C1orf21: variants seen among roughly 807,000 people sequenced by gnomAD.
The protein encoded by C1orf21 is uncharacterized protein C1orf21.
A neutral mutation model predicts 18.7 loss-of-function variants in C1orf21; 3 were observed. The observed-to-expected ratio is 0.16, with a 90% CI of 0.07 to 0.42. The LOEUF (loss-of-function observed/expected upper bound fraction) is 0.42. C1orf21 is among the 10% of genes least tolerant of loss of function. C1orf21 has a pLI of 0.99. For missense variants in C1orf21, 104 were observed against 143.6 expected (o/e 0.72, Z 1.41); for synonymous variants, 41 against 46.4 (o/e 0.88, Z 0.47).
rs114562759 is a variant in C1orf21, at chr1:184,472,738, G to A, written c.-124-4648G>A. On this transcript the variant is annotated intron_variant, in intron 1 of 5. Transcript: ENST00000235307. The stretch of plus-strand genomic sequence containing the variant: ...TTATTATAATCTTTCCTTATAAAAG[G>A]ACAAGGTATTTCATGTGTGTAATAT... Among the ~76,000 whole-genome samples the A allele has an allele frequency of 1.9e-3, 289 of 151,878 alleles. 2 individuals carry two copies. Among genetic ancestry groups the A allele is most frequent in the Middle Eastern group, 6.8e-3 (2 of 292 alleles).
intron 5 of C1orf21, among the ~76,000 whole-genome samples, chr1:184,613,701 C>T (rs1379990526): frequency 2.0e-5 from 3 of 152,110 alleles, no homozygotes; most frequent in Non-Finnish European, 4.4e-5. Flanking sequence ...GTGTTCACAA[C>T]CCTTGGATAT....
At chr1:184,534,527 T>C (rs1219817012) in intron 3 of C1orf21, among the ~76,000 whole-genome samples, 1 of 152,234 alleles carries the variant, frequency 6.6e-6, no homozygotes, top group Admixed American at 6.5e-5. Flanking sequence ...AAAGACACTA[T>C]TACAAATTGT....
intron 1 of C1orf21, among the ~76,000 whole-genome samples, chr1:184,392,813 T>G (rs1001923839): frequency 1.5e-5 from 2 of 136,834 alleles, no homozygotes; most frequent in Non-Finnish European, 3.1e-5. Context: ...TCCATAGACA[T>G]TCCTCCTTTT....
At chr1:184,400,220 G>T (rs1413390362) in intron 1 of C1orf21, among the ~76,000 whole-genome samples, 1 of 152,046 alleles carries the variant, frequency 6.6e-6, no homozygotes, top group Non-Finnish European at 1.5e-5. Context: ...TTTCAGATTT[G>T]TTTTGTACTT....
At chr1:184,471,486 C>T (rs10489726) in intron 1 of C1orf21, among the ~76,000 whole-genome samples, 17,137 of 151,972 alleles carry the variant, frequency 0.11, 1,247 homozygotes, top group African/African-American at 0.2. Flanking sequence ...CTTTATATCA[C>T]TACTTGGACA....
At chr1:184,466,537 A>C (rs116208438) in intron 1 of C1orf21, among the ~76,000 whole-genome samples, 1,904 of 152,320 alleles carry the variant, frequency 0.013, 40 homozygotes, top group African/African-American at 0.043. Flanking sequence ...ATTTCTTGAG[A>C]GCAATATGAG....
At chr1:184,388,618 T>G (rs1655923511) in intron 1 of C1orf21, among the ~76,000 whole-genome samples, 1 of 147,700 alleles carries the variant, frequency 6.8e-6, no homozygotes, top group South Asian at 2.1e-4. Context: ...GAGTATTTTT[T>G]TCTTTCTTTT....
At chr1:184,577,928 TC>T (rs1241992084) in intron 3 of C1orf21, among the ~76,000 whole-genome samples, 3 of 151,248 alleles carry the variant, frequency 2.0e-5, no homozygotes, top group Non-Finnish European at 4.4e-5. Flanking sequence ...AGGTTCTTTG[TC>T]CGTTTGTTTT....
At chr1:184,603,369 A>G (rs1659609356) in intron 5 of C1orf21, among the ~76,000 whole-genome samples, 2 of 152,268 alleles carry the variant, frequency 1.3e-5, no homozygotes, top group African/African-American at 4.8e-5. Flanking sequence ...AGCCATGAGC[A>G]TGCCTAGTGC....
intron 3 of C1orf21, among the ~76,000 whole-genome samples, chr1:184,535,725 A>G (rs1658540751): frequency 6.6e-6 from 1 of 152,208 alleles, no homozygotes. Flanking sequence ...TTCACCACTC[A>G]GAGCCAAGTT....
Position 184,493,528 on chromosome 1 carries a change from A to G in C1orf21, c.95-14060A>G, listed in dbSNP as rs1000644614. ...TTCATTTGAAAACCACATTCAAGACAAGCTAAATTACATTTAAATTCCCTT... is the reference window on the plus strand; with the variant it reads ...TTCATTTGAAAACCACATTCAAGACGAGCTAAATTACATTTAAATTCCCTT... On this transcript the variant is annotated intron_variant, in intron 2 of 5. Coordinates refer to ENST00000235307, the MANE Select transcript of C1orf21 (RefSeq NM_030806.4). Among the ~76,000 whole-genome samples the G allele has an allele frequency of 2.0e-5, 3 of 152,340 alleles. No homozygotes were observed. In the South Asian group the frequency reaches 6.2e-4, roughly 32 times the overall value.
At chr1:184,519,266 C>T (rs1658272393) in intron 3 of C1orf21, among the ~76,000 whole-genome samples, 1 of 152,144 alleles carries the variant, frequency 6.6e-6, no homozygotes, top group Non-Finnish European at 1.5e-5. Flanking sequence ...TTACTCTTGA[C>T]CTCCTCCTGT....
intron 1 of C1orf21, among the ~76,000 whole-genome samples, chr1:184,436,292 C>T (rs538769649): frequency 9.2e-5 from 14 of 152,106 alleles, no homozygotes; most frequent in Admixed American, 2.6e-4. Flanking sequence ...TCTTATTTTA[C>T]GGCATCTCTT....
chr1:184,481,808 G>A (rs1029975297), intron 2 of C1orf21, among the ~76,000 whole-genome samples: 2 of 152,170 alleles, frequency 1.3e-5, no homozygotes, highest in African/African-American at 4.8e-5. Context: ...AATCAAGGGA[G>A]ATACTTTTTC....
chr1:184,536,066 A>T (rs1658545976), intron 3 of C1orf21, among the ~76,000 whole-genome samples: 1 of 152,204 alleles, frequency 6.6e-6, no homozygotes, highest in African/African-American at 2.4e-5. Flanking sequence ...TTTTAATCTC[A>T]TGGCCATTAA....
chr1:184,428,901 C>G (rs990284166), intron 1 of C1orf21, among the ~76,000 whole-genome samples: 1 of 152,084 alleles, frequency 6.6e-6, no homozygotes, highest in Non-Finnish European at 1.5e-5. Context: ...AAGGACTTGC[C>G]AAATAAAAGG....
intron 4 of C1orf21, among the ~76,000 whole-genome samples, chr1:184,593,617 T>C (rs1265534984): frequency 7.0e-6 from 1 of 143,212 alleles, no homozygotes; most frequent in African/African-American, 2.8e-5. Context: ...CAGAGAGAGA[T>C]TGAAGTGAAA....
chr1:184,519,046 A>G (rs1337619298), intron 3 of C1orf21, among the ~76,000 whole-genome samples: 3 of 152,182 alleles, frequency 2.0e-5, no homozygotes, highest in Non-Finnish European at 2.9e-5. Context: ...CTGTCAGCAC[A>G]TTAATTTTTG....
intron 3 of C1orf21, among the ~76,000 whole-genome samples, chr1:184,533,520 A>C (rs1366743786): frequency 6.6e-6 from 1 of 152,232 alleles, no homozygotes; most frequent in African/African-American, 2.4e-5. Flanking sequence ...TCCAAGACTT[A>C]GGCAGGTTGG....
Sources: allele counts gnomAD v4.1 joint callset (sites outside exome capture counted in the v4.1 genomes callset), GRCh38; gene constraint gnomAD v4.1.1; transcripts MANE v1.5; gene names NCBI Gene and HGNC (gene_info 2026-07-23, HGNC 2026-07-21).